The following KLRG2 variants were observed in gnomAD, a reference collection of about 807,000 sequenced individuals.
The protein encoded by KLRG2 is killer cell lectin like receptor G2.
KLRG2 carries 39 observed loss-of-function variants against 35.4 expected under a neutral mutation model. The ratio of observed to expected loss-of-function variants is 1.10; its 90% CI spans 0.85 to 1.44. The LOEUF (loss-of-function observed/expected upper bound fraction) is 1.44. KLRG2 is among the 40% of genes most tolerant of loss of function. KLRG2 has a pLI of 0.00. For synonymous variants in KLRG2, 283 were observed against 265.8 expected (o/e 1.06, Z -0.63); for missense variants, 632 against 570.9 (o/e 1.11, Z -1.09).
At chr7:139,429,373 TC>T in the KLRG2 span, among the ~76,000 whole-genome samples, 1 of 136,974 alleles carries the variant, frequency 7.3e-6, no homozygotes, top group African/African-American at 2.9e-5. Flanking sequence ...TGGGTGTTTT[TC>T]TTTTTCTTTT....
intron 3 of KLRG2, among the ~76,000 whole-genome samples, chr7:139,467,547 T>C (rs999235395): frequency 6.6e-6 from 1 of 152,096 alleles, no homozygotes; most frequent in Non-Finnish European, 1.5e-5. Context: ...CCCAACGCCG[T>C]GCTCTCTGAA....
chr7:139,483,136 G>A lies in KLRG2; in HGVS notation c.507C>T (p.His169=). The A allele has an allele frequency of 2.7e-6, 4 of 1,486,354 alleles. No individual in the cohort carries two copies. Among genetic ancestry groups the A allele is most frequent in the Non-Finnish European group, 2.7e-6 (3 of 1,125,970 alleles). The allele number at this position is 1,486,354 out of a possible 1,614,324, so 92.1% of individuals were successfully genotyped here. A position where few individuals can be genotyped will look rare whatever the true frequency, so the allele number is the denominator to read the frequency against. The change falls in exon 1 of 5, where the codon CAC becomes CAT. Residue 169 remains histidine, a synonymous_variant. Coordinates refer to ENST00000340940, the MANE Select transcript of KLRG2 (RefSeq NM_198508.4). ...GGGATGGTGCGCGCAGCAGGAGCTGGTGCGCCGGGTCCGCGTGGCGGGAGA... is the reference window on the plus strand; with the variant it reads ...GGGATGGTGCGCGCAGCAGGAGCTGATGCGCCGGGTCCGCGTGGCGGGAGA... The part of the protein sequence containing the change: ...PAFSRHADPA[H]QLLLRAPSQG...
In KLRG2 at chr7:139,453,549, C is replaced by T; in HGVS notation, c.*38G>A. 2 of 1,563,582 alleles carry T rather than the reference C, an allele frequency of 1.3e-6. No individual in the cohort carries two copies. Among genetic ancestry groups the T allele is most frequent in the East Asian group, 2.4e-5 (1 of 41,964 alleles). On this transcript the variant is annotated 3_prime_UTR_variant, in exon 5 of 5. Coordinates refer to ENST00000340940, the MANE Select transcript of KLRG2 (RefSeq NM_198508.4). ...CTGGCCTCCCCTGTAGGGGGTGCTG[C>T]ATCTGCCTGGCAGGCTGAGGACCAG...
At chr7:139,454,882 A>T (rs1158056192) in intron 3 of KLRG2, among the ~76,000 whole-genome samples, 1 of 150,884 alleles carries the variant, frequency 6.6e-6, no homozygotes, top group East Asian at 1.9e-4. Flanking sequence ...GCAGATGTGC[A>T]GGAACAACAA....
chr7:139,482,883 C>G lies in KLRG2; in HGVS notation c.757+3G>C, dbSNP rs757963711. ...TCGGCTGCCGGCGCAGGTGAGCACT[C>G]ACCCGTAAGCGTTACGGCCCGGGGC... On this transcript the variant is annotated splice_donor_region_variant and intron_variant, in intron 1 of 4. Transcript: ENST00000340940. 1 of 1,452,662 alleles carries G rather than the reference C, an allele frequency of 6.9e-7. No homozygotes were observed. The allele number at this position is 1,452,662 out of a possible 1,614,324, so 90.0% of individuals were successfully genotyped here. A position where few individuals can be genotyped will look rare whatever the true frequency, so the allele number is the denominator to read the frequency against.
At chr7:139,465,077 T>A (rs1274136403) in intron 3 of KLRG2, among the ~76,000 whole-genome samples, 1 of 152,190 alleles carries the variant, frequency 6.6e-6, no homozygotes, top group East Asian at 1.9e-4. Flanking sequence ...ACTTGGTTTA[T>A]TGATAGCAGT....
chr7:139,440,312 A>G, the KLRG2 span, among the ~76,000 whole-genome samples: 1 of 120,816 alleles, frequency 8.3e-6, no homozygotes, highest in African/African-American at 3.4e-5. Context: ...TAGAGATTGG[A>G]TCTCCCTATG....
chr7:139,444,366 A>G, the KLRG2 span, among the ~76,000 whole-genome samples: 2 of 117,964 alleles, frequency 1.7e-5, no homozygotes, highest in Admixed American at 1.5e-4. Context: ...TTTTTAGTAG[A>G]GAAGGGGGTT....
rs1175730610 is a variant in KLRG2 at position 139,482,946 on chromosome 7, G to C, written c.697C>G (p.Leu233Val). Reference protein sequence around the residue: ...ELGLEKEDAALLPRAGLDGDE... With the variant: ...ELGLEKEDAAVLPRAGLDGDE... ...CCGTCCAACCCCGCGCGGGGCAACA[G>C]CGCCGCATCCTCCTTCTCCAGCCCC... The change falls in exon 1 of 5, where the codon CTG becomes GTG. Residue 233 changes from leucine (L) to valine (V), a missense_variant. Physicochemically the swap from Leu to Val is conservative, Grantham distance 32. Transcript: ENST00000340940. 2 of 1,483,390 alleles carry C rather than the reference G, an allele frequency of 1.3e-6. No individual in the cohort carries two copies. The highest frequency in any genetic ancestry group is 1.8e-6 in the Non-Finnish European group (2 of 1,127,842). 91.9% of individuals were successfully genotyped at this position (1,483,390 alleles called of 1,614,324 possible). A position where few individuals can be genotyped will look rare whatever the true frequency, so the allele number is the denominator to read the frequency against.
At chr7:139,461,720 C>A (rs76522449) in intron 3 of KLRG2, among the ~76,000 whole-genome samples, 3 of 152,120 alleles carry the variant, frequency 2.0e-5, no homozygotes, top group African/African-American at 7.2e-5. Flanking sequence ...CCACTACCCA[C>A]CCAAATCTTA....
At chr7:139,445,793 G>GTATATATATATATA in the KLRG2 span, among the ~76,000 whole-genome samples, 63 of 95,400 alleles carry the variant, frequency 6.6e-4, 2 homozygotes, top group African/African-American at 8.3e-4. Flanking sequence ...ATATATATAT[G>GTATATATATATATA]TGTGTATATA....
chr7:139,445,781 G>GTGTATATATATATA, the KLRG2 span, among the ~76,000 whole-genome samples: 10 of 98,478 alleles, frequency 1.0e-4, 1 homozygote, highest in African/African-American at 3.1e-4. Flanking sequence ...ATATATATAT[G>GTGTATATATATATA]TATATATATA....
At chr7:139,472,582 TAA>T (rs796080881) in intron 3 of KLRG2, among the ~76,000 whole-genome samples, 19 of 137,750 alleles carry the variant, frequency 1.4e-4, no homozygotes, top group Non-Finnish European at 8.0e-5. Flanking sequence ...CCGTGTCCAT[TAA>T]AAAAAAAAAA....
At chr7:139,461,306 G>A (rs1796563058) in intron 3 of KLRG2, among the ~76,000 whole-genome samples, 1 of 152,126 alleles carries the variant, frequency 6.6e-6, no homozygotes, top group African/African-American at 2.4e-5. Context: ...AGCAGTGTTG[G>A]GGTGGGGCTT....
chr7:139,466,427 GTTAT>G (rs1795490073), intron 3 of KLRG2, among the ~76,000 whole-genome samples: 1 of 152,092 alleles, frequency 6.6e-6, no homozygotes, highest in Admixed American at 6.6e-5. Context: ...TCAGGCTCTT[GTTAT>G]TTAGTGGCTC....
chr7:139,453,646 G>C lies in KLRG2; in HGVS notation c.1171C>G (p.Leu391Val). Residue 391 changes from leucine (L) to valine (V), a missense_variant, in exon 5 of 5, where the codon CTG (leucine) becomes GTG (valine). Transcript: ENST00000340940. ...GGAGTGCTGCAGTTTGCAGCCACCA[G>C]CGTGCCTTCCTCCAGGGCCCCACAG... ...INCGALEEGT[L>V]VAANCSTPRP... is the part of the protein sequence containing the mutation. 2.5e-6 allele frequency: 4 copies of C among 1,613,928 alleles called. No homozygotes were observed. The highest frequency in any genetic ancestry group is 3.4e-6 in the Non-Finnish European group (4 of 1,179,930).
chr7:139,429,713 C>T, the KLRG2 span, among the ~76,000 whole-genome samples: 1 of 152,172 alleles, frequency 6.6e-6, no homozygotes, highest in African/African-American at 2.4e-5. Flanking sequence ...TCAACAGGAT[C>T]CCAAGGCAGA....
chr7:139,438,526 A>G, the KLRG2 span, among the ~76,000 whole-genome samples: 5 of 152,050 alleles, frequency 3.3e-5, no homozygotes, highest in East Asian at 3.9e-4. Flanking sequence ...CAGAAATGCA[A>G]TTTTAAATGA....
At chr7:139,447,415 TTTTGAGACAG>T in the KLRG2 span, among the ~76,000 whole-genome samples, 2 of 151,572 alleles carry the variant, frequency 1.3e-5, no homozygotes, top group African/African-American at 4.9e-5. Context: ...TTTTTTTTTT[TTTTGAGACAG>T]AGTCTCGCTC....
Sources: gnomAD v4.1 joint callset for allele counts (sites outside exome capture counted in the v4.1 genomes callset) on GRCh38, gnomAD v4.1.1 for gene constraint, MANE v1.5 for transcripts, NCBI Gene and HGNC (gene_info 2026-07-23, HGNC 2026-07-21) for gene names.